The following ZNF536 variants were observed in gnomAD, a reference collection of about 807,000 sequenced individuals.
The protein encoded by ZNF536 is zinc finger protein 536.
Under a neutral mutation model 84.5 loss-of-function variants are expected in ZNF536, and 13 were observed. That is an observed-to-expected ratio of 0.15 (90% CI 0.10 to 0.24). The LOEUF (loss-of-function observed/expected upper bound fraction) is 0.24, where lower values mean the gene tolerates loss of function less well. Among genes scored for constraint, ZNF536 ranks in the 10% least tolerant of loss-of-function variants. The pLI is 1.00. For missense variants in ZNF536, 1,536 were observed against 1,747.5 expected (o/e 0.88, Z 2.16); for synonymous variants, 811 against 742.5 (o/e 1.09, Z -1.50).
intron 2 of ZNF536, among the ~76,000 whole-genome samples, chr19:30,328,955 G>A (rs570706940): frequency 5.9e-5 from 9 of 152,254 alleles, no homozygotes; most frequent in East Asian, 5.8e-4. Context: ...AGAATTTTGC[G>A]GCATCATCAG....
Position 30,547,959 on chromosome 19 carries a change from G to A in ZNF536, c.2340G>A (p.Lys780=), listed in dbSNP as rs1568539019. 3 of 1,554,628 alleles carry A rather than the reference G, an allele frequency of 1.9e-6. No homozygotes were observed. The highest frequency in any genetic ancestry group is 1.4e-5 in the African/African-American group (1 of 72,678). ...LRIHTGEKPY[K]CPHCDYAGTQ... is the part of the protein sequence containing the mutation. ...ATCTTGCAGGTGAGAAACCCTACAA[G>A]TGTCCGCACTGTGACTATGCCGGCA... Residue 780 remains lysine (K), a synonymous_variant, in exon 4 of 5, where the codon AAG becomes AAA. Transcript: ENST00000355537.
At chr19:30,637,719 T>C (rs1276389114) in intron 1 of ZNF536, among the ~76,000 whole-genome samples, 1 of 152,204 alleles carries the variant, frequency 6.6e-6, no homozygotes, top group Non-Finnish European at 1.5e-5. Flanking sequence ...TCACCCCTTT[T>C]TTCTCTTTTG....
intron 2 of ZNF536, among the ~76,000 whole-genome samples, chr19:30,464,315 G>T (rs1237659774): frequency 6.6e-6 from 1 of 152,184 alleles, no homozygotes; most frequent in East Asian, 1.9e-4. Context: ...CACACATTCT[G>T]CAGCCAGCTG....
chr19:30,371,729 C>T (rs1050537652), upstream of ZNF536, among the ~76,000 whole-genome samples: 2 of 150,882 alleles, frequency 1.3e-5, no homozygotes, highest in African/African-American at 2.4e-5. Flanking sequence ...GAAAAGGCAG[C>T]GGCCCCAAAA....
At chr19:30,324,931 C>T (rs572800553) in intron 2 of ZNF536, among the ~76,000 whole-genome samples, 15 of 152,196 alleles carry the variant, frequency 9.9e-5, no homozygotes, top group African/African-American at 1.9e-4. Flanking sequence ...CTGTGTGACA[C>T]CTTCTAAACC....
intron 1 of ZNF536, among the ~76,000 whole-genome samples, chr19:30,431,082 G>A (rs889085903): frequency 6.6e-6 from 1 of 152,192 alleles, no homozygotes; most frequent in Non-Finnish European, 1.5e-5. Flanking sequence ...ATCACGGTTC[G>A]AAATTGGTCT....
chr19:30,699,178 C>A (rs1027759950), intron 1 of ZNF536, among the ~76,000 whole-genome samples: 3 of 152,128 alleles, frequency 2.0e-5, no homozygotes, highest in African/African-American at 7.2e-5. Context: ...TATTTCCTAT[C>A]CCAGTCCTAG....
rs2146236278 is a variant in ZNF536, at chr19:30,549,079, A to G, written c.3460A>G (p.Ser1154Gly). 3 of 1,614,198 alleles carry G rather than the reference A, an allele frequency of 1.9e-6. No homozygotes were observed. Among genetic ancestry groups the G allele is most frequent in the Non-Finnish European group, 2.5e-6 (3 of 1,180,042 alleles). Residue 1154 changes from serine (S) to glycine (G), a missense_variant, in exon 4 of 5, where the codon AGT (serine) becomes GGT (glycine). Physicochemically the swap from Ser to Gly is moderately conservative, Grantham distance 56. Coordinates refer to ENST00000355537, the MANE Select transcript of ZNF536 (RefSeq NM_014717.3). ...DVPILIPETT[S>G]KNTTDDLSDI... ...CCCCATCCTGATCCCCGAAACCACGAGTAAGAACACTACTGATGACCTCTC... is the reference window on the plus strand; with the variant it reads ...CCCCATCCTGATCCCCGAAACCACGGGTAAGAACACTACTGATGACCTCTC...
intron 1 of ZNF536, among the ~76,000 whole-genome samples, chr19:30,643,250 C>G (rs1306684608): frequency 2.0e-5 from 3 of 152,148 alleles, no homozygotes; most frequent in African/African-American, 7.2e-5. Context: ...GCTAAAATGT[C>G]ACTGAACTTT....
upstream of ZNF536, among the ~76,000 whole-genome samples, chr19:30,369,926 A>G (rs77176274): frequency 6.0e-3 from 918 of 152,268 alleles, 7 homozygotes; most frequent in African/African-American, 0.021. Context: ...TAATTTAGCT[A>G]GCTCCTGGAT....
intron 1 of ZNF536, among the ~76,000 whole-genome samples, chr19:30,694,028 G>A (rs957381985): frequency 6.6e-6 from 1 of 152,198 alleles, no homozygotes; most frequent in African/African-American, 2.4e-5. Flanking sequence ...TTTTATGAAA[G>A]ATGTGTGCAG....
At chr19:30,631,312 G>C (rs2048880663) in intron 1 of ZNF536, among the ~76,000 whole-genome samples, 1 of 152,202 alleles carries the variant, frequency 6.6e-6, no homozygotes, top group South Asian at 2.1e-4. Flanking sequence ...TTGTGTCGGG[G>C]AGAACAGTTT....
chr19:30,569,133 A>AT (rs2046449670), intron 1 of ZNF536, among the ~76,000 whole-genome samples: 1 of 152,150 alleles, frequency 6.6e-6, no homozygotes, highest in Non-Finnish European at 1.5e-5. Flanking sequence ...GATAACCAGA[A>AT]TTTTTCTAAG....
At chr19:30,580,754 C>G (rs1187162678) in intron 1 of ZNF536, among the ~76,000 whole-genome samples, 1 of 152,196 alleles carries the variant, frequency 6.6e-6, no homozygotes, top group African/African-American at 2.4e-5. Context: ...TTTTCTTCCT[C>G]CCCTTTGGGC....
chr19:30,271,299 CTTTTTTT>C (rs781528411), intron 1 of ZNF536, among the ~76,000 whole-genome samples: 6 of 111,840 alleles, frequency 5.4e-5, no homozygotes, highest in Non-Finnish European at 1.0e-4. Flanking sequence ...TTTTTCTTTT[CTTTTTTT>C]TTTTTTTTTT....
At chr19:30,494,734 T>G (rs1277412707) in intron 2 of ZNF536, among the ~76,000 whole-genome samples, 2 of 152,020 alleles carry the variant, frequency 1.3e-5, no homozygotes, top group Non-Finnish European at 2.9e-5. Context: ...TCACTTAAGG[T>G]CAGGAGTTCA....
chr19:30,678,998 A>C (rs1322517003), intron 1 of ZNF536, among the ~76,000 whole-genome samples: 3 of 152,134 alleles, frequency 2.0e-5, no homozygotes, highest in Non-Finnish European at 4.4e-5. Flanking sequence ...ACAAGTCCCC[A>C]GTGAATAGCT....
At chr19:30,348,565 A>C (rs80036086) in intron 2 of ZNF536, among the ~76,000 whole-genome samples, 2,938 of 152,308 alleles carry the variant, frequency 0.019, 90 homozygotes, top group African/African-American at 0.067. Flanking sequence ...GTTGCTCCTG[A>C]GTCCTGAGGA....
chr19:30,503,024 G>A (rs1599609432), intron 2 of ZNF536, among the ~76,000 whole-genome samples: 1 of 152,268 alleles, frequency 6.6e-6, no homozygotes, highest in African/African-American at 2.4e-5. Flanking sequence ...TAAGAGTAAA[G>A]GTTGACAGGT....
Sources: allele counts gnomAD v4.1 joint callset (sites outside exome capture counted in the v4.1 genomes callset), GRCh38; gene constraint gnomAD v4.1.1; transcripts MANE v1.5; gene names NCBI Gene and HGNC (gene_info 2026-07-23, HGNC 2026-07-21).